The following PMS1 variants were observed in gnomAD, a reference collection of about 807,000 sequenced individuals.
PMS1 encodes PMS1 homolog 1, mismatch repair system component, also known as PMS1 protein homolog 1.
PMS1 carries 79 observed loss-of-function variants against 93.1 expected under a neutral mutation model. The observed-to-expected ratio is 0.85, with a 90% CI of 0.71 to 1.02. The LOEUF (loss-of-function observed/expected upper bound fraction) is 1.02, where lower values mean the gene tolerates loss of function less well. Among genes scored for constraint, PMS1 ranks in the 50% least tolerant of loss-of-function variants. PMS1 has a pLI of 0.00. For missense variants in PMS1, 1,064 were observed against 1,085.3 expected (o/e 0.98, Z 0.28); for synonymous variants, 335 against 363.4 (o/e 0.92, Z 0.89).
At chr2:189,872,285 A>G (rs761960497) in intron 11 of PMS1, among the ~76,000 whole-genome samples, 14 of 152,202 alleles carry the variant, frequency 9.2e-5, no homozygotes, top group Non-Finnish European at 1.6e-4. Context: ...GCATCTGCCA[A>G]CCAGGTCAAG....
At chr2:189,865,243 C>T (rs1280780021) in intron 10 of PMS1, among the ~76,000 whole-genome samples, 1 of 151,988 alleles carries the variant, frequency 6.6e-6, no homozygotes, top group East Asian at 1.9e-4. Flanking sequence ...CCACATACTA[C>T]ATTTGGTTAT....
chr2:189,789,037 C>T (rs989226610), intron 1 of PMS1, among the ~76,000 whole-genome samples: 2 of 152,114 alleles, frequency 1.3e-5, no homozygotes, highest in Non-Finnish European at 2.9e-5. Flanking sequence ...TTGAGAACAA[C>T]AAAAACAACT....
chr2:189,796,229 AC>A (rs1043427997), intron 3 of PMS1, among the ~76,000 whole-genome samples: 4 of 151,978 alleles, frequency 2.6e-5, no homozygotes, highest in African/African-American at 9.7e-5. Context: ...ATGGTGCCTC[AC>A]GTCTGTAGTC....
At chr2:189,858,241 G>A (rs1210835114) in intron 9 of PMS1, among the ~76,000 whole-genome samples, 1 of 151,768 alleles carries the variant, frequency 6.6e-6, no homozygotes, top group African/African-American at 2.4e-5. Flanking sequence ...ATCCAGATTT[G>A]GGCCATGTGC....
In PMS1 at chr2:189,862,698, G is replaced by A. The variant is rs911019443; in HGVS notation, c.1857-1045G>A. Among the ~76,000 whole-genome samples, 15 of 152,288 alleles carry A rather than the reference G, an allele frequency of 9.8e-5. No individual in the cohort carries two copies. The East Asian group carries it at 2.9e-3, about 29-fold the overall frequency. ...TTTTATATTTTGTTAGGGAGAAGCT[G>A]TTTCAATTTTGTTCTTGGACCCAGG... On this transcript the variant is annotated intron_variant, in intron 9 of 12. Coordinates refer to ENST00000441310, the MANE Select transcript of PMS1 (RefSeq NM_000534.5).
intron 5 of PMS1, among the ~76,000 whole-genome samples, chr2:189,842,191 A>G (rs1346228523): frequency 6.6e-6 from 1 of 151,892 alleles, no homozygotes; most frequent in East Asian, 1.9e-4. Flanking sequence ...TGTTCCTACC[A>G]TACTCACTCA....
rs891976152 is a variant in PMS1, at chr2:189,854,479, A to G, written c.1207A>G (p.Thr403Ala). Residue 403 changes from threonine to alanine, a missense_variant, in exon 9 of 13, where the codon ACT becomes GCT. Transcript: ENST00000441310. ...DMHNDESGKNTDDCLNHQISI... is the reference protein window; with the variant it reads ...DMHNDESGKNADDCLNHQISI... Reference sequence around the variant, plus strand: ...GCATAATGATGAATCTGGAAAAAACACTGATGATTGTTTAAATCACCAGAT... The same window carrying G: ...GCATAATGATGAATCTGGAAAAAACGCTGATGATTGTTTAAATCACCAGAT... 1.2e-6 allele frequency: 2 copies of G among 1,613,608 alleles called. No individual in the cohort carries two copies. The highest frequency in any genetic ancestry group is 2.2e-5 in the South Asian group (2 of 91,052).
In PMS1 at chr2:189,856,237, G is replaced by A. The variant is rs1381073269; in HGVS notation, c.1856+1109G>A. Among the ~76,000 whole-genome samples, 4 of 151,192 alleles carry A rather than the reference G, an allele frequency of 2.6e-5. No individual in the cohort carries two copies. The East Asian group carries it at 7.8e-4, about 29-fold the overall frequency. ...AAAAGTAGACATTTTGAAGTATAAA[G>A]CCATTACCCCATTTCACCACCAATC... On this transcript the variant is annotated intron_variant, in intron 9 of 12. Coordinates refer to ENST00000441310, the MANE Select transcript of PMS1 (RefSeq NM_000534.5).
intron 9 of PMS1, among the ~76,000 whole-genome samples, chr2:189,861,594 A>G (rs979768499): frequency 2.0e-5 from 3 of 151,998 alleles, no homozygotes; most frequent in Admixed American, 1.3e-4. Context: ...TACTAAAAAT[A>G]CAAAATTAGC....
At chr2:189,867,005 C>T (rs1349311996) in intron 10 of PMS1, among the ~76,000 whole-genome samples, 1 of 152,150 alleles carries the variant, frequency 6.6e-6, no homozygotes, top group East Asian at 1.9e-4. Flanking sequence ...CTCTCACAGC[C>T]ATTGGGGTCT....
At chr2:189,811,039 A>G (rs1303283230) in intron 4 of PMS1, among the ~76,000 whole-genome samples, 1 of 151,908 alleles carries the variant, frequency 6.6e-6, no homozygotes, top group Non-Finnish European at 1.5e-5. Flanking sequence ...AACTGGTAAG[A>G]AGGTAGCAAA....
At chr2:189,817,926 T>A (rs183062450) in intron 4 of PMS1, 91 bp from the exon 5 acceptor site, 7 of 960,046 alleles carry the variant, frequency 7.3e-6, no homozygotes, top group African/African-American at 3.2e-5. Context: ...CCTTCAGTTA[T>A]AGAAGGGGTT....
chr2:189,821,612 C>T (rs182442776), intron 5 of PMS1, among the ~76,000 whole-genome samples: 1 of 152,202 alleles, frequency 6.6e-6, no homozygotes, highest in African/African-American at 2.4e-5. Context: ...AGTTGGAGAC[C>T]AGCCTGGCCG....
chr2:189,807,579 T>A (rs1422719637), intron 4 of PMS1, among the ~76,000 whole-genome samples: 1 of 152,248 alleles, frequency 6.6e-6, no homozygotes, highest in African/African-American at 2.4e-5. Context: ...CTAATCTGGA[T>A]GGCCAATGGC....
At chr2:189,839,274 A>G (rs1338554499) in intron 5 of PMS1, among the ~76,000 whole-genome samples, 1 of 152,232 alleles carries the variant, frequency 6.6e-6, no homozygotes, top group Non-Finnish European at 1.5e-5. Flanking sequence ...TACAGGCACG[A>G]GCCACCACAC....
At chr2:189,811,094 G>A (rs2050802248) in intron 4 of PMS1, among the ~76,000 whole-genome samples, 1 of 151,496 alleles carries the variant, frequency 6.6e-6, no homozygotes, top group African/African-American at 2.4e-5. Flanking sequence ...GAAAATTCTA[G>A]AACAAAAAGT....
chr2:189,853,460 A>G (rs556026146), intron 7 of PMS1, among the ~76,000 whole-genome samples: 6 of 150,726 alleles, frequency 4.0e-5, no homozygotes, highest in Non-Finnish European at 8.8e-5. Flanking sequence ...CTTGTGCTTC[A>G]TTTAGGTTCA....
At chr2:189,867,493 A>G (rs1267535263) in intron 10 of PMS1, among the ~76,000 whole-genome samples, 1 of 152,128 alleles carries the variant, frequency 6.6e-6, no homozygotes, top group African/African-American at 2.4e-5. Context: ...GTCTGTTTTG[A>G]AGGAATAAAA....
At chr2:189,802,601 T>C (rs1216615575) in intron 3 of PMS1, among the ~76,000 whole-genome samples, 1 of 152,188 alleles carries the variant, frequency 6.6e-6, no homozygotes, top group Non-Finnish European at 1.5e-5. Context: ...AGGTTTGTTT[T>C]TGTATCACCT....
Sources: gnomAD v4.1 joint callset for allele counts (sites outside exome capture counted in the v4.1 genomes callset) on GRCh38, gnomAD v4.1.1 for gene constraint, MANE v1.5 for transcripts, NCBI Gene and HGNC (gene_info 2026-07-23, HGNC 2026-07-21) for gene names.